The following C14orf39 variants were observed in gnomAD, a reference collection of about 807,000 sequenced individuals.
C14orf39 encodes protein SIX6OS1.
Under a neutral mutation model 85.6 loss-of-function variants are expected in C14orf39, and 66 were observed. The ratio of observed to expected loss-of-function variants is 0.77; its 90% CI spans 0.63 to 0.95. The LOEUF (loss-of-function observed/expected upper bound fraction) is 0.95, where lower values mean the gene tolerates loss of function less well. Ranked by LOEUF, C14orf39 falls within the 40% of genes least tolerant of loss-of-function variation. The pLI, the probability that C14orf39 is intolerant of heterozygous loss-of-function variation, is 0.00. For missense variants in C14orf39, 735 were observed against 663.9 expected (o/e 1.11, Z -1.18); for synonymous variants, 242 against 214.0 (o/e 1.13, Z -1.14).
chr14:60,509,184 G>T, intron 1 of C14orf39: 1 of 586,186 alleles, frequency 1.7e-6, no homozygotes. Flanking sequence ...TGCCTGAGCC[G>T]AGCCGAGCCC....
intron 1 of C14orf39, among the ~76,000 whole-genome samples, chr14:60,514,923 C>G (rs1363114161): frequency 6.6e-6 from 1 of 152,252 alleles, no homozygotes; most frequent in Admixed American, 6.5e-5. Flanking sequence ...TGTCAGGCGG[C>G]TCTGCGTAAT....
intron 5 of C14orf39, 56 bp from the exon 6 acceptor site, chr14:60,471,795 G>C: frequency 9.8e-7 from 1 of 1,019,314 alleles, no homozygotes. Flanking sequence ...TAAAAACTTT[G>C]TGAATACACT....
Position 60,511,148 on chromosome 14 carries a change from C to G in C14orf39, c.-144+4247G>C, listed in dbSNP as rs201560655. On this transcript the variant is annotated intron_variant, in intron 1 of 5. Transcript: ENST00000556799. ...ACTACGGGCGGAGGGCGACGGCACG[C>G]CAGAGGTGCTGGGCGTCGCCACCAG... The G allele has an allele frequency of 1.9e-6, 3 of 1,612,800 alleles. No individual in the cohort carries two copies. In the African/African-American group the frequency reaches 4.0e-5, roughly 22 times the overall value.
At chr14:60,505,864 C>A (rs531444676) in intron 1 of C14orf39, among the ~76,000 whole-genome samples, 1 of 152,302 alleles carries the variant, frequency 6.6e-6, no homozygotes, top group East Asian at 1.9e-4. Context: ...CAGGATTCCA[C>A]CTGTCCTCTA....
Position 60,483,684 on chromosome 14 carries a change from TACTC to T in C14orf39, c.233+3_233+6del, listed in dbSNP as rs755388332. The stretch of plus-strand genomic sequence containing the variant: ...TGCAATGAAAATTGATTCTTTCAAA[TACTC>T]ACTTTCTACAGTTGTCTTTAATCTC... On this transcript the variant is annotated splice_donor_5th_base_variant and intron_variant, in intron 4 of 17. Transcript: ENST00000321731. 2 of 1,576,880 alleles carry T rather than the reference TACTC, an allele frequency of 1.3e-6. No individual in the cohort carries two copies. Among genetic ancestry groups the T allele is most frequent in the South Asian group, 1.2e-5 (1 of 84,828 alleles).
upstream of C14orf39, among the ~76,000 whole-genome samples, chr14:60,488,578 TCAA>T (rs1050597013): frequency 6.6e-6 from 1 of 152,188 alleles, no homozygotes; most frequent in Non-Finnish European, 1.5e-5. Context: ...TGATCCATAA[TCAA>T]CAATCTGAAG....
Position 60,466,975 on chromosome 14 carries a change from A to G in C14orf39, c.837T>C (p.Tyr279=). 1 of 1,465,148 alleles carries G rather than the reference A, an allele frequency of 6.8e-7. No individual in the cohort carries two copies. The highest frequency in any genetic ancestry group is 9.1e-7 in the Non-Finnish European group (1 of 1,104,424). 90.8% of individuals were successfully genotyped at this position (1,465,148 alleles called of 1,614,324 possible). Residue 279 remains tyrosine, a synonymous_variant, in exon 10 of 18, where the codon TAT becomes TAC. Coordinates refer to ENST00000321731, the MANE Select transcript of C14orf39 (RefSeq NM_174978.3). Reference sequence around the variant, plus strand: ...TTGGTCTTACTAATTTCTGAGATTCATAAGGAAGAAATAATTGACTGCTTT... The same window carrying G: ...TTGGTCTTACTAATTTCTGAGATTCGTAAGGAAGAAATAATTGACTGCTTT... ...KTQSSQLFLP[Y]ESQKLVRPIK... is the part of the protein sequence containing the mutation.
intron 1 of C14orf39, among the ~76,000 whole-genome samples, chr14:60,505,178 T>C (rs1431318336): frequency 6.6e-5 from 10 of 152,230 alleles, no homozygotes; most frequent in Admixed American, 5.2e-4. Flanking sequence ...TAAAGAGCCT[T>C]CTCTGTTCTT....
At chr14:60,463,808 C>G (rs1378960221) in intron 11 of C14orf39, among the ~76,000 whole-genome samples, 3 of 151,958 alleles carry the variant, frequency 2.0e-5, no homozygotes, top group Non-Finnish European at 4.4e-5. Context: ...GTGAATATTG[C>G]AAATAAAAAC....
intron 11 of C14orf39, 64 bp from the exon 12 acceptor site, chr14:60,461,657 G>T (rs1265793255): frequency 3.3e-6 from 3 of 916,108 alleles, no homozygotes; most frequent in Non-Finnish European, 4.9e-6. Flanking sequence ...TTTGCTTGTC[G>T]TTAGCAACTC....
intron 5 of C14orf39, among the ~76,000 whole-genome samples, chr14:60,473,757 T>G (rs1256755042): frequency 6.6e-6 from 1 of 152,136 alleles, no homozygotes; most frequent in South Asian, 2.1e-4. Context: ...GTTCCATTGG[T>G]CTGTATCTCT....
chr14:60,462,200 C>A (rs1284889472), intron 11 of C14orf39, among the ~76,000 whole-genome samples: 7 of 151,780 alleles, frequency 4.6e-5, no homozygotes, highest in Admixed American at 3.9e-4. Context: ...CATAGTGAGA[C>A]CCCATCTCTA....
intron 2 of C14orf39, among the ~76,000 whole-genome samples, chr14:60,497,388 A>AATTCTCCCT (rs11282738): frequency 6.6e-6 from 1 of 151,382 alleles, no homozygotes; most frequent in African/African-American, 2.4e-5. Context: ...GTACAGGCCC[A>AATTCTCCCT]ATGCACACAC....
chr14:60,457,302 T>C (rs1256925219), intron 14 of C14orf39, among the ~76,000 whole-genome samples: 1 of 151,982 alleles, frequency 6.6e-6, no homozygotes, highest in Non-Finnish European at 1.5e-5. Context: ...ATTTTTTCTT[T>C]TCTTTCCAGT....
chr14:60,485,659 G>A (rs1056702926), intron 1 of C14orf39, among the ~76,000 whole-genome samples: 1 of 152,132 alleles, frequency 6.6e-6, no homozygotes, highest in Non-Finnish European at 1.5e-5. Context: ...GCCCCTCAGA[G>A]CCCAGGAACC....
At chr14:60,498,748 T>C in intron 2 of C14orf39, among the ~76,000 whole-genome samples, 1 of 152,214 alleles carries the variant, frequency 6.6e-6, no homozygotes, top group African/African-American at 2.4e-5. Context: ...AAGGACATTT[T>C]AAAAAACATT....
chr14:60,438,713 G>T (rs1890371014), intron 17 of C14orf39, among the ~76,000 whole-genome samples: 1 of 152,030 alleles, frequency 6.6e-6, no homozygotes, highest in South Asian at 2.1e-4. Context: ...TTTTGAAAAA[G>T]AAGATTGAGG....
chr14:60,492,803 A>T (rs1893010376), intron 2 of C14orf39, among the ~76,000 whole-genome samples: 1 of 152,092 alleles, frequency 6.6e-6, no homozygotes, highest in South Asian at 2.1e-4. Flanking sequence ...ATAAAAAATA[A>T]ATGAAGTAGA....
chr14:60,515,222 G>A lies in C14orf39; in HGVS notation c.-144+173C>T, dbSNP rs911985828. 6.6e-6 allele frequency: 1 copy of A among 151,554 alleles called. No homozygotes were observed. Among genetic ancestry groups the A allele is most frequent in the South Asian group, 2.1e-4 (1 of 4,830 alleles). The allele number at this position is 151,554 out of a possible 1,614,324, so 9.4% of individuals were successfully genotyped here. Reference sequence around the variant, plus strand: ...GGAAATGGCGGCTGGAGCGGCGGGCGCGTGGGTCCCCTCGGGGAGGCGCCC... The same window carrying A: ...GGAAATGGCGGCTGGAGCGGCGGGCACGTGGGTCCCCTCGGGGAGGCGCCC... On this transcript the variant is annotated intron_variant, in intron 1 of 5. Coordinates refer to the C14orf39 transcript ENST00000556799. This position sits in a 1 kb window ranked among gnomAD's most constrained non-coding sequence, Gnocchi z 6.2.
Sources: gnomAD v4.1 joint callset for allele counts (sites outside exome capture counted in the v4.1 genomes callset) on GRCh38, gnomAD v4.1.1 for gene constraint, Gnocchi (gnomAD v3.1) non-coding constraint, MANE v1.5 for transcripts, NCBI Gene and HGNC (gene_info 2026-07-23, HGNC 2026-07-21) for gene names.